Variants in HIVEP2 observed in about 807,000 individuals in gnomAD.
HIVEP2 encodes the protein transcription factor HIVEP2.
A neutral mutation model predicts 180.7 loss-of-function variants in HIVEP2; 14 were observed. The observed-to-expected ratio is 0.08, with a 90% confidence interval of 0.05 to 0.12. The LOEUF is 0.12. Ranked by LOEUF, HIVEP2 falls within the 10% of genes least tolerant of loss-of-function variation. The probability of loss-of-function intolerance (pLI) is 1.00; values close to 1 mark genes in which losing one functional copy is unlikely to be tolerated. For missense variants in HIVEP2, 2,579 were observed against 3,008.5 expected, an observed-to-expected ratio of 0.86 and a Z score of 3.34; for synonymous variants, 1,184 against 1,136.4, an observed-to-expected ratio of 1.04 and a Z score of -0.84.
At chr6:142,765,592 G>A (rs888466077) in intron 6 of HIVEP2, among the ~76,000 whole-genome samples, 7 of 152,146 alleles carry the variant, frequency 4.6e-5, no homozygotes, top group Admixed American at 1.3e-4. Flanking sequence ...CCATGAATCT[G>A]TAATAATGTG....
Position 142,773,366 on chromosome 6 carries a change from G to A in HIVEP2, c.1373C>T (p.Pro458Leu), listed in dbSNP as rs201481323. ...TAACCTGGTGTTAACGTGAGGTAAT[G>A]GTTCCATTATGCCCTTCCTACCCAT... Reference protein sequence around the residue: ...AAMGRKGIMEPLPHVNTRLDV... With the variant: ...AAMGRKGIMELLPHVNTRLDV... The change falls in exon 5 of 10, where the codon CCA becomes CTA. Residue 458 changes from proline to leucine, a missense_variant. Physicochemically the swap from Pro to Leu is moderately conservative, Grantham distance 98. This residue lies in a region of HIVEP2 where 524 missense variants were observed against 563.6 expected (regional missense o/e 0.93). Coordinates refer to ENST00000367603, the MANE Select transcript of HIVEP2 (RefSeq NM_006734.4). 2.5e-6 allele frequency: 4 copies of A among 1,614,024 alleles called. No individual in the cohort carries two copies. The African/African-American group carries it at 5.3e-5, about 22-fold the overall frequency.
chr6:142,879,481 A>G lies in HIVEP2; in HGVS notation c.-640-42434T>C, dbSNP rs1200259342. On this transcript the variant is annotated intron_variant, in intron 1 of 9. Coordinates refer to ENST00000367603, the MANE Select transcript of HIVEP2 (RefSeq NM_006734.4). ...ATAAACTCCATCCTCCAACCTCTTG[A>G]GCCCTCCACTAGCACTGCAAATTCA... Among the ~76,000 whole-genome samples, 10 of 152,232 alleles carry G rather than the reference A, an allele frequency of 6.6e-5. No individual in the cohort carries two copies. The East Asian group carries it at 1.4e-3, about 21-fold the overall frequency.
chr6:142,755,075 C>T (rs1031838550), intron 9 of HIVEP2, among the ~76,000 whole-genome samples: 2 of 152,176 alleles, frequency 1.3e-5, no homozygotes, highest in African/African-American at 4.8e-5. Flanking sequence ...TGTTCTATTT[C>T]AAGAGTTTCA....
At chr6:142,769,068 A>C (rs1775450489) in intron 5 of HIVEP2, among the ~76,000 whole-genome samples, 5 of 148,940 alleles carry the variant, frequency 3.4e-5, no homozygotes, top group Admixed American at 2.7e-4. Context: ...TTGGAAAAAT[A>C]AGTTTTGAAG....
chr6:142,908,492 A>G (rs1235655442), intron 1 of HIVEP2, among the ~76,000 whole-genome samples: 1 of 152,180 alleles, frequency 6.6e-6, no homozygotes, highest in African/African-American at 2.4e-5. Flanking sequence ...CTCTGAGAAC[A>G]TGATGTAGGG....
chr6:142,828,448 T>C (rs187505724), intron 2 of HIVEP2, among the ~76,000 whole-genome samples: 60 of 152,324 alleles, frequency 3.9e-4, no homozygotes, highest in African/African-American at 1.4e-3. Flanking sequence ...GAGCTAATTT[T>C]TTTTTTTCAA....
At chr6:142,840,861 C>T (rs1775343691) in intron 1 of HIVEP2, among the ~76,000 whole-genome samples, 1 of 152,098 alleles carries the variant, frequency 6.6e-6, no homozygotes, top group Non-Finnish European at 1.5e-5. Context: ...AAGCCACCAG[C>T]AGTAGATGTG....
At chr6:142,916,602 C>G (rs947531825) in intron 1 of HIVEP2, among the ~76,000 whole-genome samples, 2 of 152,184 alleles carry the variant, frequency 1.3e-5, no homozygotes, top group Admixed American at 6.5e-5. Context: ...AAATCTTTCC[C>G]TGACTTCATC....
intron 2 of HIVEP2, among the ~76,000 whole-genome samples, chr6:142,810,761 C>CAAAAAAAAAAAAAAAAAAAAA (rs60893476): frequency 4.0e-5 from 4 of 100,752 alleles, no homozygotes; most frequent in African/African-American, 8.3e-5. Flanking sequence ...GACTCTGTCT[C>CAAAAAAAAAAAAAAAAAAAAA]AAAAAAAAAA....
intron 2 of HIVEP2, among the ~76,000 whole-genome samples, chr6:142,804,543 T>C (rs1776497408): frequency 6.6e-6 from 1 of 151,460 alleles, no homozygotes; most frequent in Admixed American, 6.6e-5. Context: ...TGAATCAAAT[T>C]GAAAAAAAAA....
At chr6:142,938,247 T>C (rs1778101078) in intron 1 of HIVEP2, among the ~76,000 whole-genome samples, 1 of 152,200 alleles carries the variant, frequency 6.6e-6, no homozygotes, top group Non-Finnish European at 1.5e-5. Context: ...TCGCTTTTGC[T>C]TCACATTACA....
At chr6:142,797,488 T>TGTAAACAAA (rs965507559) in intron 2 of HIVEP2, among the ~76,000 whole-genome samples, 1 of 152,194 alleles carries the variant, frequency 6.6e-6, no homozygotes, top group Non-Finnish European at 1.5e-5. Flanking sequence ...CACCCAAAAC[T>TGTAAACAAA]GTAAACAAAG....
At chr6:142,926,939 A>C (rs1777829641) in intron 1 of HIVEP2, among the ~76,000 whole-genome samples, 1 of 151,714 alleles carries the variant, frequency 6.6e-6, no homozygotes, top group African/African-American at 2.4e-5. Context: ...CATTGCATTC[A>C]TGCTCCCTCG....
Position 142,774,563 on chromosome 6 carries a change from G to A in HIVEP2, c.176C>T (p.Ala59Val). 3 of 1,614,208 alleles carry A rather than the reference G, an allele frequency of 1.9e-6. No homozygotes were observed. The South Asian group carries it at 3.3e-5, about 18-fold the overall frequency. Residue 59 changes from alanine (A) to valine (V), a missense_variant, in exon 5 of 10, where the codon GCA becomes GTA. Ala to Val is a moderately conservative substitution (Grantham distance 64). Around this residue, in one of 11 missense-constraint regions of HIVEP2, gnomAD observed 207 missense variants for 210.1 expected, o/e 0.99. Coordinates refer to ENST00000367603, the MANE Select transcript of HIVEP2 (RefSeq NM_006734.4). This position sits in a 1 kb window ranked among gnomAD's most constrained non-coding sequence, Gnocchi z 5.1. The stretch of plus-strand genomic sequence containing the variant: ...CCCAGAACCAAACAGTTGTGCTGAT[G>A]CTGTGTTTCCGATTTGCTCAGGCTC... ...QIEPEQIGNT[A>V]SAQLFGSGKL...
rs903886550 is a variant in HIVEP2 at position 142,911,427 on chromosome 6, T to C, written c.-641+33672A>G. ...ACCATAGTCAACACAGAAAGAGAAGTGTCCTGCAGGCTTATTAAAAAGATG... is the reference window on the plus strand; with the variant it reads ...ACCATAGTCAACACAGAAAGAGAAGCGTCCTGCAGGCTTATTAAAAAGATG... On this transcript the variant is annotated intron_variant, in intron 1 of 9. Coordinates refer to ENST00000367603, the MANE Select transcript of HIVEP2 (RefSeq NM_006734.4). Among the ~76,000 whole-genome samples, 9 of 152,320 alleles carry C rather than the reference T, an allele frequency of 5.9e-5. No homozygotes were observed. In the East Asian group the frequency reaches 1.3e-3, roughly 23 times the overall value.
chr6:142,909,671 T>A (rs1198751674), intron 1 of HIVEP2, among the ~76,000 whole-genome samples: 2 of 152,218 alleles, frequency 1.3e-5, no homozygotes, highest in African/African-American at 4.8e-5. Flanking sequence ...AACCTACTCA[T>A]TTATTTATTT....
At chr6:142,900,471 C>T (rs1203442121) in intron 1 of HIVEP2, among the ~76,000 whole-genome samples, 2 of 152,180 alleles carry the variant, frequency 1.3e-5, no homozygotes, top group Non-Finnish European at 2.9e-5. Context: ...ACTCCTTGCA[C>T]AGAGAAGAAA....
At chr6:142,761,634 C>A in intron 7 of HIVEP2, 69 bp from the exon 8 acceptor site, 1 of 859,946 alleles carries the variant, frequency 1.2e-6, no homozygotes, top group South Asian at 1.3e-5. Flanking sequence ...GATAGCTGCT[C>A]CAAATTCAAT....
intron 7 of HIVEP2, among the ~76,000 whole-genome samples, chr6:142,762,606 C>T (rs537667122): frequency 6.6e-6 from 1 of 152,242 alleles, no homozygotes; most frequent in Admixed American, 6.5e-5. Flanking sequence ...TATCTGTGCC[C>T]TTGACAACGC....
Sources: allele counts gnomAD v4.1 joint callset (sites outside exome capture counted in the v4.1 genomes callset), GRCh38; gene constraint gnomAD v4.1.1; regional missense constraint gnomAD v4.1.1; non-coding constraint Gnocchi (gnomAD v3.1); transcripts MANE v1.5; gene names NCBI Gene and HGNC (gene_info 2026-07-23, HGNC 2026-07-21).